Variants in FHIT observed in about 807,000 individuals in gnomAD.
FHIT encodes the protein fragile histidine triad diadenosine triphosphatase.
Under a neutral mutation model 17.9 loss-of-function variants are expected in FHIT, and 19 were observed. The ratio of observed to expected loss-of-function variants is 1.06; its 90% CI spans 0.74 to 1.56. The LOEUF (loss-of-function observed/expected upper bound fraction) is 1.56, where lower values mean the gene tolerates loss of function less well. Ranked by LOEUF, FHIT falls within the 40% of genes most tolerant of loss-of-function variation. The probability of loss-of-function intolerance (pLI) is 0.00; values close to 1 mark genes in which losing one functional copy is unlikely to be tolerated. For synonymous variants in FHIT, 81 were observed against 69.7 expected, an observed-to-expected ratio of 1.16 and a Z score of -0.81; for missense variants, 248 against 189.2, an observed-to-expected ratio of 1.31 and a Z score of -1.82.
rs1294744189 is a variant in FHIT at position 60,441,747 on chromosome 3, TATATATAAAA to T, written c.103+95103_103+95112del. Among the ~76,000 whole-genome samples the T allele has an allele frequency of 8.3e-4, 26 of 31,140 alleles. 1 individual carries two copies. The highest frequency in any genetic ancestry group is 0.036 in the Middle Eastern group (2 of 56). The allele number at this position is 31,140 out of a possible 152,430, so 20.4% of individuals were successfully genotyped here. ...ATTTGTATTTATATATATATATTTA[TATATATAAAA>T]ATATATATATATTTATATGTATAAA... On this transcript the variant is annotated intron_variant, in intron 5 of 9. Transcript: ENST00000492590.
intron 4 of FHIT, among the ~76,000 whole-genome samples, chr3:60,599,865 G>C (rs192546990): frequency 6.6e-6 from 1 of 152,074 alleles, no homozygotes; most frequent in Admixed American, 6.6e-5. Flanking sequence ...CAGCACTATT[G>C]ACATTTTAGA....
intron 5 of FHIT, among the ~76,000 whole-genome samples, chr3:60,249,721 C>CACACACACACACACACACACAT (rs1553723139): frequency 1.7e-4 from 25 of 150,896 alleles, no homozygotes; most frequent in African/African-American, 6.1e-4. Flanking sequence ...CACACACACA[C>CACACACACACACACACACACAT]GGGAGAAGGG....
intron 8 of FHIT, among the ~76,000 whole-genome samples, chr3:59,909,470 T>C (rs994425325): frequency 6.6e-6 from 1 of 152,126 alleles, no homozygotes; most frequent in East Asian, 1.9e-4. Context: ...CATGCGATTA[T>C]GGGCACGCAC....
At position 61,176,968 on chromosome 3, in the gene FHIT, G is replaced by A. The variant is rs370808124; in HGVS notation, c.-164+23649C>T. ...AGGCGGGCAGATCACGAGGTAAGGA[G>A]ATCGAGACCATCCTGGCTAACACGG... On this transcript the variant is annotated intron_variant, in intron 2 of 9. Transcript: ENST00000492590. Among the ~76,000 whole-genome samples the A allele has an allele frequency of 4.6e-4, 70 of 152,288 alleles. 2 individuals are homozygous for A. The East Asian group carries it at 0.01, about 22-fold the overall frequency.
At chr3:60,054,695 T>G (rs1022558492) in intron 5 of FHIT, among the ~76,000 whole-genome samples, 2 of 152,190 alleles carry the variant, frequency 1.3e-5, no homozygotes, top group Non-Finnish European at 2.9e-5. Flanking sequence ...TACTAGATGT[T>G]AGGTGCTGGG....
intron 3 of FHIT, among the ~76,000 whole-genome samples, chr3:60,957,085 G>A (rs1271802955): frequency 6.6e-6 from 1 of 151,922 alleles, no homozygotes; most frequent in Non-Finnish European, 1.5e-5. Flanking sequence ...AAAATATCTT[G>A]TTCAAAATCA....
At chr3:61,123,654 T>G (rs1423340979) in intron 2 of FHIT, among the ~76,000 whole-genome samples, 1 of 152,142 alleles carries the variant, frequency 6.6e-6, no homozygotes, top group Non-Finnish European at 1.5e-5. Context: ...TTAACCTACT[T>G]CTTCTTGTTC....
At chr3:61,166,385 A>C (rs757075825) in intron 2 of FHIT, among the ~76,000 whole-genome samples, 2 of 152,144 alleles carry the variant, frequency 1.3e-5, no homozygotes, top group African/African-American at 2.4e-5. Context: ...TTCTGTTTTC[A>C]TTATACCACC....
At chr3:60,696,123 A>G (rs1195735796) in intron 4 of FHIT, among the ~76,000 whole-genome samples, 1 of 152,076 alleles carries the variant, frequency 6.6e-6, no homozygotes, top group African/African-American at 2.4e-5. Context: ...GAAAGGAAGG[A>G]AGGAAGGAAA....
intron 5 of FHIT, among the ~76,000 whole-genome samples, chr3:60,228,315 A>C (rs1296061621): frequency 1.3e-5 from 2 of 152,070 alleles, no homozygotes; most frequent in African/African-American, 4.8e-5. Context: ...AGCATAGGAG[A>C]ATGAGGGTGA....
chr3:60,575,692 G>A (rs1438750677), intron 4 of FHIT, among the ~76,000 whole-genome samples: 1 of 152,154 alleles, frequency 6.6e-6, no homozygotes, highest in Non-Finnish European at 1.5e-5. Context: ...CCAGTTCTTG[G>A]AGAGATGCAA....
intron 7 of FHIT, among the ~76,000 whole-genome samples, chr3:59,937,683 T>C (rs1458836809): frequency 6.6e-6 from 1 of 152,194 alleles, no homozygotes; most frequent in Non-Finnish European, 1.5e-5. Flanking sequence ...CTACAAAATC[T>C]TTCAAAGGAA....
intron 5 of FHIT, among the ~76,000 whole-genome samples, chr3:60,532,880 A>G (rs1299288725): frequency 6.6e-6 from 1 of 152,134 alleles, no homozygotes; most frequent in Non-Finnish European, 1.5e-5. Flanking sequence ...GCAAAATGTT[A>G]TAAGAGAGAC....
intron 5 of FHIT, among the ~76,000 whole-genome samples, chr3:60,098,804 T>C (rs1367484571): frequency 6.6e-6 from 1 of 151,990 alleles, no homozygotes; most frequent in African/African-American, 2.4e-5. Context: ...GTTAACTGAT[T>C]GTGTTATCAG....
At chr3:60,851,824 G>A (rs1703165968) in intron 3 of FHIT, among the ~76,000 whole-genome samples, 2 of 152,034 alleles carry the variant, frequency 1.3e-5, no homozygotes, top group African/African-American at 4.8e-5. Flanking sequence ...AGCCAGTACT[G>A]AGTCTTTCTA....
intron 5 of FHIT, among the ~76,000 whole-genome samples, chr3:60,171,444 C>T (rs1037198811): frequency 6.6e-6 from 1 of 152,106 alleles, no homozygotes; most frequent in African/African-American, 2.4e-5. Context: ...TCAAAGCAAA[C>T]CTCTCTAAAA....
At chr3:60,887,407 G>A (rs1186815732) in intron 3 of FHIT, among the ~76,000 whole-genome samples, 1 of 152,178 alleles carries the variant, frequency 6.6e-6, no homozygotes, top group African/African-American at 2.4e-5. Context: ...CACTTTGGGA[G>A]GCCAAGGTGG....
At chr3:60,054,777 G>A (rs991963772) in intron 5 of FHIT, among the ~76,000 whole-genome samples, 10 of 152,130 alleles carry the variant, frequency 6.6e-5, no homozygotes, top group Non-Finnish European at 1.5e-4. Context: ...GGTTACTGTT[G>A]TTTATACCTT....
At position 60,584,708 on chromosome 3, in the gene FHIT, C is replaced by T. The variant is rs139345245; in HGVS notation, c.-17-47729G>A. On this transcript the variant is annotated intron_variant, in intron 4 of 9. Coordinates refer to ENST00000492590, the MANE Select transcript of FHIT (RefSeq NM_002012.4). ...AAAGGAAAGAAGTTACAAAGTCCTGCACTGCATTGTACAACTGTGATCCAA... is the reference window on the plus strand; with the variant it reads ...AAAGGAAAGAAGTTACAAAGTCCTGTACTGCATTGTACAACTGTGATCCAA... Among the ~76,000 whole-genome samples, 931 of 152,144 alleles carry T rather than the reference C, an allele frequency of 6.1e-3. 16 individuals carry two copies. The highest frequency in any genetic ancestry group is 6.2e-3 in the Non-Finnish European group (418 of 67,958).
Sources: allele counts gnomAD v4.1 joint callset (sites outside exome capture counted in the v4.1 genomes callset), GRCh38; gene constraint gnomAD v4.1.1; transcripts MANE v1.5; gene names NCBI Gene and HGNC (gene_info 2026-07-23, HGNC 2026-07-21).